The following FGL1 variants were observed in gnomAD, a reference collection of about 807,000 sequenced individuals.
FGL1 encodes fibrinogen-like protein 1.
A neutral mutation model predicts 43.7 loss-of-function variants in FGL1; 59 were observed. The ratio of observed to expected loss-of-function variants is 1.35; its 90% confidence interval spans 1.10 to 1.68. FGL1 has a LOEUF of 1.68. Ranked by LOEUF, FGL1 falls within the 40% of genes most tolerant of loss-of-function variation. The pLI is 0.00. For synonymous variants in FGL1, 192 were observed against 126.5 expected (o/e 1.52, Z -3.48); for missense variants, 596 against 373.0 (o/e 1.60, Z -4.92).
Position 17,864,729 on chromosome 8 carries a change from C to A in FGL1, c.802G>T (p.Gly268Cys). ...FNRCHSANLN[G>C]VYYSGPYTAK... ...GTGTAGGGGCCGCTGTAGTATACAC[C>A]ATTCAGGTTTGCAGAGTGACACCTA... The change falls in exon 8 of 8, where the codon GGT (glycine) becomes TGT (cysteine). Residue 268 changes from glycine to cysteine, a missense_variant. Gly to Cys is a radical substitution (Grantham distance 159, BLOSUM62 -3). Transcript: ENST00000427924. 1.3e-6 allele frequency: 2 copies of A among 1,559,554 alleles called. No homozygotes were observed. Among genetic ancestry groups the A allele is most frequent in the Non-Finnish European group, 1.7e-6 (2 of 1,157,056 alleles).
At chr8:17,873,689 A>C (rs2053399103) in intron 5 of FGL1, among the ~76,000 whole-genome samples, 1 of 98,474 alleles carries the variant, frequency 1.0e-5, no homozygotes, top group Non-Finnish European at 2.3e-5. Flanking sequence ...ATATCTATAG[A>C]TACATATAGC....
At chr8:17,873,954 T>TAA in intron 5 of FGL1, 65 bp downstream of exon 5, 2 of 1,254,052 alleles carry the variant, frequency 1.6e-6, no homozygotes, top group African/African-American at 1.6e-5. Context: ...ATAATTTGGT[T>TAA]AAAAAAAAAT....
At chr8:17,867,044 A>C (rs1245643653) in intron 7 of FGL1, among the ~76,000 whole-genome samples, 3 of 152,210 alleles carry the variant, frequency 2.0e-5, no homozygotes, top group Non-Finnish European at 2.9e-5. Context: ...TCCTTTATAA[A>C]TGATCAAATC....
chr8:17,867,484 T>G (rs1219099493), intron 7 of FGL1, among the ~76,000 whole-genome samples: 1 of 152,232 alleles, frequency 6.6e-6, no homozygotes, highest in Non-Finnish European at 1.5e-5. Flanking sequence ...ACAAAGTTAA[T>G]TTATAAATTA....
At position 17,886,495 on chromosome 8, in the gene FGL1, C is replaced by T. The variant is rs182501903; in HGVS notation, c.-17-924G>A. Reference sequence around the variant, plus strand: ...GTGGGGGGCCTGGTGCGGTGGCTCACGCCTGTAATCCCAGCACTTTGGGAG... The same window carrying T: ...GTGGGGGGCCTGGTGCGGTGGCTCATGCCTGTAATCCCAGCACTTTGGGAG... On this transcript the variant is annotated intron_variant, in intron 1 of 7. Transcript: ENST00000427924. 3.3e-5 allele frequency among the ~76,000 whole-genome samples: 5 copies of T among 152,146 alleles called. No individual in the cohort carries two copies. In the East Asian group the frequency reaches 5.8e-4, roughly 18 times the overall value.
chr8:17,883,094 G>A (rs184734265), intron 2 of FGL1, among the ~76,000 whole-genome samples: 523 of 18,128 alleles, frequency 0.029, 4 homozygotes, highest in Non-Finnish European at 0.04. Context: ...TATATCATAT[G>A]TAATATATTA....
intron 7 of FGL1, among the ~76,000 whole-genome samples, chr8:17,865,463 C>A (rs1456839021): frequency 6.6e-6 from 1 of 152,210 alleles, no homozygotes; most frequent in Non-Finnish European, 1.5e-5. Context: ...TCAGTTATTT[C>A]AATCTCAAGG....
chr8:17,865,098 A>G (rs766836192), intron 7 of FGL1, among the ~76,000 whole-genome samples: 15 of 152,072 alleles, frequency 9.9e-5, no homozygotes, highest in Non-Finnish European at 1.8e-4. Flanking sequence ...AGAGATGGGT[A>G]TTTTAAAATG....
In FGL1 at chr8:17,882,093, C is replaced by T. The variant is rs371757287; in HGVS notation, c.150G>A (p.Lys50=). 1 of 1,613,960 alleles carries T rather than the reference C, an allele frequency of 6.2e-7. No individual in the cohort carries two copies. The highest frequency in any genetic ancestry group is 8.5e-7 in the Non-Finnish European group (1 of 1,180,026). Reference sequence around the variant, plus strand: ...CATTCTCCTGCAAAAGCTGCTTGATCTTGACCTGTTGCTGTTTGACCCGGG... The same window carrying T: ...CATTCTCCTGCAAAAGCTGCTTGATTTTGACCTGTTGCTGTTTGACCCGGG... The part of the protein sequence containing the change: ...LETRVKQQQV[K]IKQLLQENEV... The change falls in exon 3 of 8, where the codon AAG becomes AAA. Residue 50 remains lysine, a synonymous_variant. Transcript: ENST00000427924.
At chr8:17,879,116 T>G (rs938529061) in intron 3 of FGL1, among the ~76,000 whole-genome samples, 60 of 151,720 alleles carry the variant, frequency 4.0e-4, no homozygotes, top group Non-Finnish European at 7.2e-4. Context: ...ATTCTGATTT[T>G]TTTGGCTTTT....
intron 2 of FGL1, chr8:17,882,454 A>T (rs2053551792): frequency 3.7e-6 from 1 of 268,776 alleles, no homozygotes; most frequent in East Asian, 8.5e-5. Context: ...GTCTCCTTTG[A>T]TCCTCATAAC....
chr8:17,865,684 A>G (rs2131687829), intron 7 of FGL1, among the ~76,000 whole-genome samples: 1 of 152,336 alleles, frequency 6.6e-6, no homozygotes, highest in African/African-American at 2.4e-5. Flanking sequence ...ACAGTATGCA[A>G]TAAGTTTATG....
chr8:17,878,592 T>TTCATAATCC (rs1482114403), intron 3 of FGL1, among the ~76,000 whole-genome samples: 2 of 152,284 alleles, frequency 1.3e-5, no homozygotes, highest in East Asian at 3.9e-4. Flanking sequence ...AACCTTTTAA[T>TTCATAATCC]TCATAATCCG....
At chr8:17,892,077 A>G (rs1343517400) in intron 1 of FGL1, among the ~76,000 whole-genome samples, 1 of 152,174 alleles carries the variant, frequency 6.6e-6, no homozygotes, top group Non-Finnish European at 1.5e-5. Context: ...TTGGCAATAA[A>G]TATGTTTTTT....
chr8:17,884,105 T>C (rs60866237), intron 2 of FGL1, among the ~76,000 whole-genome samples: 9,879 of 130,864 alleles, frequency 0.075, 915 homozygotes, highest in African/African-American at 0.2. Context: ...CCCTTCCTTC[T>C]TTTCTTTTCT....
rs1491429949 is a variant in FGL1, at chr8:17,874,573, CCG to C, written c.245-54_245-53del. ...ATTCATTATGTGTCTTTTTCTCCCCCCGCCTTAGGGAGCCTCTGAATGAGACT... is the reference window on the plus strand; with the variant it reads ...ATTCATTATGTGTCTTTTTCTCCCCCCCTTAGGGAGCCTCTGAATGAGACT... On this transcript the variant is annotated intron_variant, in intron 3 of 7. Coordinates refer to ENST00000427924, the MANE Select transcript of FGL1 (RefSeq NM_004467.4). 9,060 of 1,454,894 alleles carry C rather than the reference CCG, an allele frequency of 6.2e-3. 415 individuals carry two copies. In the African/African-American group the frequency reaches 0.11, roughly 17 times the overall value. 90.1% of individuals were successfully genotyped at this position (1,454,894 alleles called of 1,614,324 possible).
intron 7 of FGL1, among the ~76,000 whole-genome samples, chr8:17,866,862 G>T (rs1040188194): frequency 6.6e-6 from 1 of 152,192 alleles, no homozygotes; most frequent in African/African-American, 2.4e-5. Context: ...TAAGTTTTAT[G>T]TCATGCTGAC....
rs35822870 is a variant in FGL1 at position 17,878,226 on chromosome 8, A to G, written c.245-3705T>C. ...CTCGGCCTCTCAAAGTGCAGGGATTACAGGCATGATTCATGGCACCTGGCC... is the reference window on the plus strand; with the variant it reads ...CTCGGCCTCTCAAAGTGCAGGGATTGCAGGCATGATTCATGGCACCTGGCC... On this transcript the variant is annotated intron_variant, in intron 3 of 7. Transcript: ENST00000427924. 3.4e-3 allele frequency among the ~76,000 whole-genome samples: 522 copies of G among 152,310 alleles called. 4 individuals carry two copies. Among genetic ancestry groups the G allele is most frequent in the African/African-American group, 0.012 (502 of 41,576 alleles).
intron 1 of FGL1, among the ~76,000 whole-genome samples, chr8:17,890,367 A>C (rs433342): frequency 0.13 from 19,466 of 152,110 alleles, 2,901 homozygotes; most frequent in African/African-American, 0.36. Context: ...CACCTCCTCA[A>C]CACATCTCTT....
Sources: allele counts gnomAD v4.1 joint callset (sites outside exome capture counted in the v4.1 genomes callset), GRCh38; gene constraint gnomAD v4.1.1; transcripts MANE v1.5; gene names NCBI Gene and HGNC (gene_info 2026-07-23, HGNC 2026-07-21).